The following AFAP1L2 variants were observed in gnomAD, a reference collection of about 807,000 sequenced individuals.
AFAP1L2 encodes actin filament associated protein 1 like 2.
Under a neutral mutation model 99.3 loss-of-function variants are expected in AFAP1L2, and 46 were observed. The observed-to-expected ratio is 0.46, with a 90% CI of 0.37 to 0.59. AFAP1L2 has a LOEUF of 0.59. Among genes scored for constraint, AFAP1L2 ranks in the 20% least tolerant of loss-of-function variants. The pLI, the probability that AFAP1L2 is intolerant of heterozygous loss-of-function variation, is 0.00. For missense variants in AFAP1L2, 959 were observed against 1,034.9 expected, an observed-to-expected ratio of 0.93 and a Z score of 1.01; for synonymous variants, 397 against 419.1, an observed-to-expected ratio of 0.95 and a Z score of 0.64.
intron 10 of AFAP1L2, chr10:114,305,279 A>C (rs1284499036): frequency 6.9e-6 from 2 of 289,388 alleles, no homozygotes; most frequent in East Asian, 9.2e-5. Flanking sequence ...GGGCACGCGG[A>C]TGCAGGAGGG....
At chr10:114,347,682 T>C (rs574868210) in intron 1 of AFAP1L2, among the ~76,000 whole-genome samples, 1 of 152,234 alleles carries the variant, frequency 6.6e-6, no homozygotes, top group African/African-American at 2.4e-5. Flanking sequence ...TGCTAATTTT[T>C]AAATTTTTTG....
the AFAP1L2 span, chr10:114,289,042 C>T: frequency 3.1e-6 from 5 of 1,614,162 alleles, no homozygotes; most frequent in African/African-American, 1.3e-5. Context: ...AAGCTGTGCC[C>T]TCCAGTTTGA....
chr10:114,352,680 G>A (rs1267435695), intron 1 of AFAP1L2, among the ~76,000 whole-genome samples: 1 of 152,168 alleles, frequency 6.6e-6, no homozygotes. Context: ...CTTAGCCCAG[G>A]TGTCAACAGG....
chr10:114,310,935 C>G (rs915407048), intron 7 of AFAP1L2, among the ~76,000 whole-genome samples: 2 of 149,224 alleles, frequency 1.3e-5, no homozygotes, highest in African/African-American at 2.5e-5. Flanking sequence ...CCCTCTGGCT[C>G]TCCCGACTCG....
In AFAP1L2 at chr10:114,357,333, T is replaced by C. The variant is rs1387680916; in HGVS notation, c.17-16602A>G. 2.6e-5 allele frequency among the ~76,000 whole-genome samples: 4 copies of C among 152,192 alleles called. No individual in the cohort carries two copies. The East Asian group carries it at 7.7e-4, about 29-fold the overall frequency. On this transcript the variant is annotated intron_variant, in intron 1 of 18. Coordinates refer to ENST00000304129, the MANE Select transcript of AFAP1L2 (RefSeq NM_001001936.3). ...CACCCTTAAATTTCTTTAGCTACTC[T>C]TTCTCTGGTGTAACCACATTCTCTA...
chr10:114,322,432 A>G (rs928326124), intron 5 of AFAP1L2, among the ~76,000 whole-genome samples: 13 of 152,284 alleles, frequency 8.5e-5, no homozygotes, highest in African/African-American at 2.4e-4. Flanking sequence ...AGACACACCC[A>G]GAGCTCTCCT....
chr10:114,322,723 G>A (rs770310819), intron 5 of AFAP1L2, among the ~76,000 whole-genome samples: 18 of 152,232 alleles, frequency 1.2e-4, no homozygotes, highest in Non-Finnish European at 2.5e-4. Flanking sequence ...CTGACACAGC[G>A]GGAGCACCAT....
At chr10:114,304,229 C>T (rs1212647879) in intron 11 of AFAP1L2, among the ~76,000 whole-genome samples, 1 of 152,162 alleles carries the variant, frequency 6.6e-6, no homozygotes, top group Non-Finnish European at 1.5e-5. Context: ...ACTCGGTCTC[C>T]GCCTGCCGCA....
At chr10:114,357,705 G>C (rs945548413) in intron 1 of AFAP1L2, among the ~76,000 whole-genome samples, 4 of 152,094 alleles carry the variant, frequency 2.6e-5, no homozygotes, top group Admixed American at 1.3e-4. Flanking sequence ...AATAATAAAA[G>C]AAGAATGCAT....
intron 1 of AFAP1L2, among the ~76,000 whole-genome samples, chr10:114,372,817 T>C (rs1296253160): frequency 1.3e-5 from 2 of 152,142 alleles, no homozygotes; most frequent in African/African-American, 2.4e-5. Context: ...CTATGCATAA[T>C]ATTCTCTACA....
At position 114,404,421 on chromosome 10, in the gene AFAP1L2, G is replaced by T. The variant is rs748057317; in HGVS notation, c.16+19C>A. ...GAAAGGGAGTGGGTGTGCGCCGCGCGAGGAACCCGCGCCCTCACCTTTGTA... is the reference window on the plus strand; with the variant it reads ...GAAAGGGAGTGGGTGTGCGCCGCGCTAGGAACCCGCGCCCTCACCTTTGTA... On this transcript the variant is annotated intron_variant, in intron 1 of 18. Transcript: ENST00000304129. 2 of 1,542,358 alleles carry T rather than the reference G, an allele frequency of 1.3e-6. No individual in the cohort carries two copies. Among genetic ancestry groups the T allele is most frequent in the South Asian group, 1.2e-5 (1 of 84,024 alleles).
downstream of AFAP1L2, among the ~76,000 whole-genome samples, chr10:114,294,320 C>T (rs1367668627): frequency 6.6e-6 from 1 of 152,288 alleles, no homozygotes; most frequent in East Asian, 1.9e-4. Context: ...AACTTTTACA[C>T]TGATATATTC....
At chr10:114,305,489 A>T (rs1422380911) in intron 10 of AFAP1L2, among the ~76,000 whole-genome samples, 22 of 91,906 alleles carry the variant, frequency 2.4e-4, no homozygotes, top group Middle Eastern at 0.011. Context: ...GCAGGAGGGG[A>T]CGGGGCTGCA....
At chr10:114,303,100 T>C (rs1017702068) in intron 11 of AFAP1L2, among the ~76,000 whole-genome samples, 5 of 152,182 alleles carry the variant, frequency 3.3e-5, no homozygotes, top group Admixed American at 6.5e-5. Context: ...AATGCATCCA[T>C]TGGGTACCTC....
chr10:114,298,776 G>T (rs2040649751), intron 16 of AFAP1L2, among the ~76,000 whole-genome samples: 1 of 152,206 alleles, frequency 6.6e-6, no homozygotes, highest in Non-Finnish European at 1.5e-5. Context: ...AATCTAGAAA[G>T]ACTTCTTGGC....
At chr10:114,349,921 C>T (rs1270885125) in intron 1 of AFAP1L2, among the ~76,000 whole-genome samples, 4 of 152,202 alleles carry the variant, frequency 2.6e-5, no homozygotes, top group Admixed American at 1.3e-4. Flanking sequence ...CTTTTTCTCA[C>T]CTATCTTTGA....
chr10:114,351,295 C>A (rs1156431399), intron 1 of AFAP1L2, among the ~76,000 whole-genome samples: 1 of 151,964 alleles, frequency 6.6e-6, no homozygotes, highest in Non-Finnish European at 1.5e-5. Flanking sequence ...GTGCAGTGGC[C>A]GCTATGTTTT....
At chr10:114,298,266 T>A (rs921364604) in intron 16 of AFAP1L2, among the ~76,000 whole-genome samples, 24 of 152,036 alleles carry the variant, frequency 1.6e-4, no homozygotes, top group Admixed American at 3.3e-4. Context: ...TAATCCCAGC[T>A]ACTCAGGAGG....
At chr10:114,401,105 A>G (rs2058189613) in intron 1 of AFAP1L2, among the ~76,000 whole-genome samples, 1 of 152,196 alleles carries the variant, frequency 6.6e-6, no homozygotes, top group Non-Finnish European at 1.5e-5. Context: ...CCAATGCCCT[A>G]GAGCTAAGCG....
Sources: allele counts gnomAD v4.1 joint callset (sites outside exome capture counted in the v4.1 genomes callset), GRCh38; gene constraint gnomAD v4.1.1; transcripts MANE v1.5; gene names NCBI Gene and HGNC (gene_info 2026-07-23, HGNC 2026-07-21).